RFPL3: variants seen among roughly 807,000 people sequenced by gnomAD.
RFPL3 encodes ret finger protein like 3.
In RFPL3, 8 loss-of-function variants were observed where a neutral mutation model predicts 8.7. The observed-to-expected ratio is 0.92, with a 90% CI of 0.54 to 1.66. RFPL3 has a LOEUF of 1.66. Ranked by LOEUF, RFPL3 falls within the 40% of genes most tolerant of loss-of-function variation. The pLI is 0.00. For missense variants in RFPL3, 341 were observed against 395.0 expected (o/e 0.86, Z 1.16); for synonymous variants, 145 against 150.5 (o/e 0.96, Z 0.27).
upstream of RFPL3, among the ~76,000 whole-genome samples, chr22:32,356,335 A>G (rs1043375623): frequency 1.3e-5 from 2 of 151,980 alleles, no homozygotes; most frequent in Non-Finnish European, 2.9e-5. Context: ...AGAGGTGGGG[A>G]GAGAGAATGG....
chr22:32,360,695 G>A lies in RFPL3; in HGVS notation c.817G>A (p.Val273Ile), dbSNP rs758019654. ...SGSHVYTFRSVSAEEPLRPFL... is the reference protein window; with the variant it reads ...SGSHVYTFRSISAEEPLRPFL... ...TTCCCATGTCTATACATTCAGGAGC[G>A]TCTCTGCTGAGGAGCCACTGCGCCC... Residue 273 changes from valine (V) to isoleucine (I), a missense_variant, in exon 2 of 2, where the codon GTC becomes ATC. Physicochemically the swap from Val to Ile is conservative, Grantham distance 29. Transcript: ENST00000249007. 2.4e-5 allele frequency: 38 copies of A among 1,613,902 alleles called. No homozygotes were observed. The highest frequency in any genetic ancestry group is 8.8e-5 in the South Asian group (8 of 91,062).
In RFPL3 at chr22:32,358,194, C is replaced by T. The variant is rs145783125; in HGVS notation, c.123C>T (p.Pro41=). 115 of 1,613,954 alleles carry T rather than the reference C, an allele frequency of 7.1e-5. No individual in the cohort carries two copies. The African/African-American group carries it at 1.2e-3, about 17-fold the overall frequency. ...AALFQEASSC[P]VCSDYLEKPM... is the part of the protein sequence containing the mutation. ...TCTTCCAAGAAGCAAGCAGCTGTCC[C>T]GTCTGCTCAGACTATCTGGAAAAAC... The change falls in exon 1 of 2, where the codon CCC becomes CCT. Residue 41 remains proline (P), a synonymous_variant. Transcript: ENST00000249007.
chr22:32,356,876 C>T, upstream of RFPL3: 1 of 456,530 alleles, frequency 2.2e-6, no homozygotes, highest in Non-Finnish European at 4.4e-6. Flanking sequence ...AGGCCACCGT[C>T]ACAGCTCCCG....
chr22:32,356,739 T>C (rs1932681931), upstream of RFPL3: 3 of 377,120 alleles, frequency 8.0e-6, no homozygotes, highest in African/African-American at 4.4e-5. Flanking sequence ...CTTACAGCTG[T>C]AGCTGCTGCA....
Position 32,360,842 on chromosome 22 carries a change from G to A in RFPL3, c.*10G>A, listed in dbSNP as rs1932779263. The A allele has an allele frequency of 6.7e-7, 1 of 1,499,776 alleles. No individual in the cohort carries two copies. Among genetic ancestry groups the A allele is most frequent in the Non-Finnish European group, 8.9e-7 (1 of 1,125,828 alleles). 92.9% of individuals were successfully genotyped at this position (1,499,776 alleles called of 1,614,324 possible). A position where few individuals can be genotyped will look rare whatever the true frequency, so the allele number is the denominator to read the frequency against. On this transcript the variant is annotated 3_prime_UTR_variant, in exon 2 of 2. Coordinates refer to ENST00000249007, the MANE Select transcript of RFPL3 (RefSeq NM_001098535.1). ...TGGGGAGGCCAAATAAGCCGCCACT[G>A]CAAAAAAAAACAGGGTCAGAAAATT...
rs1238057544 is a variant in RFPL3 at position 32,361,084 on chromosome 22, T to C, written c.*252T>C. The C allele has an allele frequency of 8.8e-5, 32 of 363,384 alleles. No homozygotes were observed. In the Middle Eastern group the frequency reaches 3.0e-3, roughly 34 times the overall value. 22.5% of individuals were successfully genotyped at this position (363,384 alleles called of 1,614,324 possible). A position where few individuals can be genotyped will look rare whatever the true frequency, so the allele number is the denominator to read the frequency against. Reference sequence around the variant, plus strand: ...TATTCTCGGATCAATTTCCAAATGCTTTACTTTTTCATTTCTGTAAGTTCA... The same window carrying C: ...TATTCTCGGATCAATTTCCAAATGCCTTACTTTTTCATTTCTGTAAGTTCA... On this transcript the variant is annotated 3_prime_UTR_variant, in exon 2 of 2. Coordinates refer to ENST00000249007, the MANE Select transcript of RFPL3 (RefSeq NM_001098535.1).
rs965264287 is a variant in RFPL3 at position 32,357,903 on chromosome 22, CAGG to C, written c.-166_-164del. 2.0e-6 allele frequency: 3 copies of C among 1,474,384 alleles called. No individual in the cohort carries two copies. The highest frequency in any genetic ancestry group is 2.8e-5 in the African/African-American group (2 of 70,282). 91.3% of individuals were successfully genotyped at this position (1,474,384 alleles called of 1,614,324 possible). ...GGCTCAGGCTCAGCTGCTGGGTCAC[CAGG>C]AGAATGGACCCTTCCTCCACCTCAG... is the stretch of plus-strand genomic sequence containing the variant. On this transcript the variant is annotated 5_prime_UTR_variant, in exon 1 of 2. Transcript: ENST00000249007.
At position 32,360,715 on chromosome 22, in the gene RFPL3, G is replaced by A. The variant is rs1932776509; in HGVS notation, c.837G>A (p.Leu279=). The A allele has an allele frequency of 6.2e-7, 1 of 1,613,992 alleles. No individual in the cohort carries two copies. Among genetic ancestry groups the A allele is most frequent in the African/African-American group, 1.3e-5 (1 of 74,926 alleles). The change falls in exon 2 of 2, where the codon CTG becomes CTA. Residue 279 remains leucine, a synonymous_variant. Transcript: ENST00000249007. ...TFRSVSAEEP[L]RPFLAPSIPP... ...GGAGCGTCTCTGCTGAGGAGCCACT[G>A]CGCCCATTTTTGGCTCCTTCAATTC...
upstream of RFPL3, among the ~76,000 whole-genome samples, chr22:32,355,897 T>C (rs1204498568): frequency 6.6e-6 from 1 of 152,078 alleles, no homozygotes; most frequent in Non-Finnish European, 1.5e-5. Flanking sequence ...GGAACACCTA[T>C]TACCCTCCTT....
Position 32,358,255 on chromosome 22 carries a change from A to G in RFPL3, c.184A>G (p.Lys62Glu), listed in dbSNP as rs1271774644. 6.2e-7 allele frequency: 1 copy of G among 1,613,826 alleles called. No homozygotes were observed. The highest frequency in any genetic ancestry group is 8.5e-7 in the Non-Finnish European group (1 of 1,179,878). ...SLECGCTVCL[K>E]CINSLQKEPH... ...GGAGTGTGGATGCACCGTCTGCCTC[A>G]AGTGCATCAATTCGCTGCAGAAGGA... The change falls in exon 1 of 2, where the codon AAG becomes GAG. Residue 62 changes from lysine to glutamate, a missense_variant. Transcript: ENST00000249007.
At chr22:32,358,858 T>G (rs777527489) in intron 1 of RFPL3, among the ~76,000 whole-genome samples, 5 of 152,194 alleles carry the variant, frequency 3.3e-5, no homozygotes, top group Admixed American at 6.5e-5. Flanking sequence ...GCCTGGTATT[T>G]CTAATGCACA....
At chr22:32,357,796 T>C (rs1932717794), upstream of RFPL3, 8 of 1,186,732 alleles carry the variant, frequency 6.7e-6, no homozygotes, top group Non-Finnish European at 7.7e-6. Context: ...TGTTCATCAA[T>C]CAGTCTCTTG....
At position 32,360,177 on chromosome 22, in the gene RFPL3, G is replaced by A. The variant is rs1245723601; in HGVS notation, c.374-75G>A. ...AAGAAACTAAAGTCAGGAGATATTTGGGCCTTTGAAGTAGAAGAGAGGCAT... is the reference window on the plus strand; with the variant it reads ...AAGAAACTAAAGTCAGGAGATATTTAGGCCTTTGAAGTAGAAGAGAGGCAT... On this transcript the variant is annotated intron_variant, in intron 1 of 1. Coordinates refer to ENST00000249007, the MANE Select transcript of RFPL3 (RefSeq NM_001098535.1). 6.0e-6 allele frequency: 9 copies of A among 1,497,180 alleles called. No homozygotes were observed. The South Asian group carries it at 9.3e-5, about 15-fold the overall frequency. The allele number at this position is 1,497,180 out of a possible 1,614,324, so 92.7% of individuals were successfully genotyped here.
At position 32,357,952 on chromosome 22, in the gene RFPL3, C is replaced by T. The variant is rs1324829042; in HGVS notation, c.-120C>T. 8 of 1,539,164 alleles carry T rather than the reference C, an allele frequency of 5.2e-6. No individual in the cohort carries two copies. Among genetic ancestry groups the T allele is most frequent in the East Asian group, 2.3e-5 (1 of 43,460 alleles). On this transcript the variant is annotated 5_prime_UTR_variant, in exon 1 of 2. Transcript: ENST00000249007. ...CTCAGCTCAGAGCACAGTGATGATT[C>T]GTGACTTTCCCAATAGAACTTCAAA...
chr22:32,359,020 G>A (rs1159453459), intron 1 of RFPL3, among the ~76,000 whole-genome samples: 1 of 152,144 alleles, frequency 6.6e-6, no homozygotes, highest in Non-Finnish European at 1.5e-5. Flanking sequence ...CAGTGGTCCT[G>A]GCTACAGAAA....
In RFPL3 at chr22:32,361,032, C is replaced by G; in HGVS notation, c.*200C>G. The G allele has an allele frequency of 8.5e-6, 4 of 472,378 alleles. No homozygotes were observed. The highest frequency in any genetic ancestry group is 2.0e-5 in the African/African-American group (1 of 50,080). 29.3% of individuals were successfully genotyped at this position (472,378 alleles called of 1,614,324 possible). A position where few individuals can be genotyped will look rare whatever the true frequency, so the allele number is the denominator to read the frequency against. ...CCAACTCATTGAGTCTTATGGTTCACATCTTGTTTCCTATAGAAATGTTCT... is the reference window on the plus strand; with the variant it reads ...CCAACTCATTGAGTCTTATGGTTCAGATCTTGTTTCCTATAGAAATGTTCT... On this transcript the variant is annotated 3_prime_UTR_variant, in exon 2 of 2. Coordinates refer to ENST00000249007, the MANE Select transcript of RFPL3 (RefSeq NM_001098535.1).
chr22:32,355,646 A>G (rs1432512314), upstream of RFPL3, among the ~76,000 whole-genome samples: 3 of 151,968 alleles, frequency 2.0e-5, no homozygotes, highest in African/African-American at 7.2e-5. Flanking sequence ...CTTGGTTAAG[A>G]CAGGTACTTG....
At position 32,360,276 on chromosome 22, in the gene RFPL3, C is replaced by T. The variant is rs1283228155; in HGVS notation, c.398C>T (p.Thr133Ile). The T allele has an allele frequency of 6.2e-7, 1 of 1,613,584 alleles. No individual in the cohort carries two copies. The highest frequency in any genetic ancestry group is 1.3e-5 in the African/African-American group (1 of 75,046). ...GTGGATATGACCTTGGATGCCGACA[C>T]AGCCAACAACTTCCTCCTCATTTCT... ...FQVDMTLDAD[T>I]ANNFLLISDD... Residue 133 changes from threonine to isoleucine, a missense_variant, in exon 2 of 2, where the codon ACA becomes ATA. By Grantham distance (89) the Thr-to-Ile change is moderately conservative. Coordinates refer to ENST00000249007, the MANE Select transcript of RFPL3 (RefSeq NM_001098535.1).
At chr22:32,357,288 T>G (rs1906503682), upstream of RFPL3, among the ~76,000 whole-genome samples, 2 of 152,176 alleles carry the variant, frequency 1.3e-5, no homozygotes, top group Admixed American at 6.5e-5. Context: ...AGGGTCTTAC[T>G]GTGTTGTCCA....
Sources: allele counts gnomAD v4.1 joint callset (sites outside exome capture counted in the v4.1 genomes callset), GRCh38; gene constraint gnomAD v4.1.1; transcripts MANE v1.5; gene names NCBI Gene and HGNC (gene_info 2026-07-23, HGNC 2026-07-21).